Variants in ARSG observed in about 807,000 individuals in gnomAD.
ARSG encodes the protein arylsulfatase G, also known as ASG.
A neutral mutation model predicts 50.5 loss-of-function variants in ARSG; 37 were observed. The observed-to-expected ratio is 0.73, with a 90% CI of 0.56 to 0.96. ARSG has a LOEUF of 0.96. ARSG is among the 50% of genes least tolerant of loss of function. The pLI is 0.00. For synonymous variants in ARSG, 225 were observed against 254.6 expected (o/e 0.88, Z 1.11); for missense variants, 629 against 675.3 (o/e 0.93, Z 0.76).
chr17:68,432,217 G>A, the ARSG span, among the ~76,000 whole-genome samples: 1 of 152,146 alleles, frequency 6.6e-6, no homozygotes, highest in Non-Finnish European at 1.5e-5. Flanking sequence ...CACTGGGGGT[G>A]GGGGGAGACA....
chr17:68,428,908 C>A, the ARSG span: 1 of 1,614,098 alleles, frequency 6.2e-7, no homozygotes, highest in Non-Finnish European at 8.5e-7. Context: ...CTGGATGACG[C>A]AACTAGCAGC....
At chr17:68,300,248 G>T (rs1394704848) in intron 1 of ARSG, among the ~76,000 whole-genome samples, 15 of 152,088 alleles carry the variant, frequency 9.9e-5, no homozygotes, top group Non-Finnish European at 1.5e-5. Context: ...GCCTGGCCTG[G>T]GGCTTATTTC....
intron 5 of ARSG, among the ~76,000 whole-genome samples, chr17:68,353,023 G>A (rs1045725283): frequency 3.3e-5 from 5 of 151,976 alleles, no homozygotes; most frequent in Admixed American, 2.0e-4. Flanking sequence ...GTCTCAGCTC[G>A]TCTATCTATA....
intron 2 of ARSG, among the ~76,000 whole-genome samples, chr17:68,312,235 A>G (rs964630132): frequency 5.3e-5 from 8 of 152,308 alleles, no homozygotes; most frequent in African/African-American, 1.2e-4. Context: ...TATTCCTAGC[A>G]TGTAACACAG....
rs1467957839 is a variant in ARSG at position 68,401,413 on chromosome 17, TG to T, written c.1267del (p.Val423SerfsTer32). On this transcript the variant is annotated frameshift_variant, in exon 11 of 12. Transcript: ENST00000621439. LOFTEE classifies it low-confidence loss of function (END_TRUNC). ...CTGGAGAGTTTGGAGCCCTGCAGAC[TG>T]TCCGCCTGGAGCGTTACAAGGCCTT... ...AAGEFGALQT[V>X]RLERYKAFYI... is the part of the protein sequence containing the mutation. 2.5e-6 allele frequency: 4 copies of T among 1,614,094 alleles called. No homozygotes were observed. Among genetic ancestry groups the T allele is most frequent in the Non-Finnish European group, 3.4e-6 (4 of 1,179,928 alleles).
At chr17:68,427,097 G>T, downstream of ARSG, 1 of 1,546,066 alleles carries the variant, frequency 6.5e-7, no homozygotes, top group Non-Finnish European at 8.9e-7. Context: ...GGAGGTCACT[G>T]TTGGAGATGC....
In ARSG at chr17:68,378,183, G is replaced by C. The variant is rs2080245647; in HGVS notation, c.983-6881G>C. 6.6e-6 allele frequency among the ~76,000 whole-genome samples: 1 copy of C among 152,194 alleles called. No homozygotes were observed. The highest frequency in any genetic ancestry group is 1.5e-5 in the Non-Finnish European group (1 of 68,040). The stretch of plus-strand genomic sequence containing the variant: ...CTCCTCTTCACCCAGTTCCCCATCA[G>C]TGGGACATCTGCACGGCTCACTGTA... On this transcript the variant is annotated intron_variant, in intron 8 of 11. Coordinates refer to ENST00000621439, the MANE Select transcript of ARSG (RefSeq NM_001267727.2). The surrounding 1 kb of genome is among the most constrained non-coding windows in gnomAD (Gnocchi z 4.4).
At chr17:68,277,756 AG>A (rs1568411584) in intron 1 of ARSG, among the ~76,000 whole-genome samples, 2 of 152,168 alleles carry the variant, frequency 1.3e-5, no homozygotes, top group African/African-American at 2.4e-5. Flanking sequence ...CTTCTTAGAC[AG>A]TGACTATATC....
At chr17:68,407,840 C>T (rs190453030) in intron 11 of ARSG, among the ~76,000 whole-genome samples, 4 of 151,902 alleles carry the variant, frequency 2.6e-5, no homozygotes, top group Non-Finnish European at 4.4e-5. Flanking sequence ...ATTTGAATGC[C>T]CTTTTACTGA....
the ARSG span, among the ~76,000 whole-genome samples, chr17:68,449,854 C>A: frequency 6.6e-6 from 1 of 151,920 alleles, no homozygotes; most frequent in Non-Finnish European, 1.5e-5. Context: ...TAAAAAAATA[C>A]AGAAAAATTA....
At chr17:68,422,043 C>CTG (rs987547802), downstream of ARSG, 45 of 584,802 alleles carry the variant, frequency 7.7e-5, no homozygotes, top group African/African-American at 4.1e-4. Context: ...AAAAATGTCT[C>CTG]TGTGTGTGTG....
intron 1 of ARSG, among the ~76,000 whole-genome samples, chr17:68,273,354 C>T (rs1363026441): frequency 1.3e-5 from 2 of 152,010 alleles, no homozygotes; most frequent in African/African-American, 4.8e-5. Context: ...ATGGTTACAG[C>T]TGGGACCACA....
intron 11 of ARSG, among the ~76,000 whole-genome samples, chr17:68,411,650 C>T (rs1052476006): frequency 2.0e-5 from 3 of 147,696 alleles, no homozygotes; most frequent in African/African-American, 7.8e-5. Context: ...CCGCTTGGTG[C>T]AGAGCTGAGT....
chr17:68,401,418 G>A lies in ARSG; in HGVS notation c.1271G>A (p.Arg424His), dbSNP rs1282361502. The change falls in exon 11 of 12, where the codon CGC becomes CAC. Residue 424 changes from arginine (R) to histidine (H), a missense_variant. Physicochemically the swap from Arg to His is conservative, Grantham distance 29 (BLOSUM62 0). Coordinates refer to ENST00000621439, the MANE Select transcript of ARSG (RefSeq NM_001267727.2). ...AGEFGALQTV[R>H]LERYKAFYIT... The stretch of plus-strand genomic sequence containing the variant: ...GAGTTTGGAGCCCTGCAGACTGTCC[G>A]CCTGGAGCGTTACAAGGCCTTCTAC... The A allele has an allele frequency of 3.1e-6, 5 of 1,614,062 alleles. No individual in the cohort carries two copies. The highest frequency in any genetic ancestry group is 1.7e-5 in the Admixed American group (1 of 60,020).
At chr17:68,329,933 G>T (rs1374520333) in intron 2 of ARSG, among the ~76,000 whole-genome samples, 1 of 152,198 alleles carries the variant, frequency 6.6e-6, no homozygotes, top group African/African-American at 2.4e-5. Context: ...AAAGACGCTG[G>T]GTGTGGTGGC....
intron 1 of ARSG, chr17:68,272,912 G>T: frequency 1.1e-6 from 1 of 944,874 alleles, no homozygotes; most frequent in African/African-American, 1.7e-5. Flanking sequence ...CAAAGGTGAT[G>T]TTGCAAAGAA....
rs1568579775 is a variant in ARSG at position 68,401,364 on chromosome 17, T to C, written c.1217T>C (p.Leu406Pro). Reference sequence around the variant, plus strand: ...AGCTCTGCCACCCTTTCTCAGGTGCTGTTCCACCCCAACAGCGGGGCAGCT... The same window carrying C: ...AGCTCTGCCACCCTTTCTCAGGTGCCGTTCCACCCCAACAGCGGGGCAGCT... ...FGRSQPGHRV[L>P]FHPNSGAAGE... Residue 406 changes from leucine (L) to proline (P), a missense_variant, in exon 11 of 12, where the codon CTG becomes CCG. Coordinates refer to ENST00000621439, the MANE Select transcript of ARSG (RefSeq NM_001267727.2). 2 of 1,613,874 alleles carry C rather than the reference T, an allele frequency of 1.2e-6. No homozygotes were observed. The highest frequency in any genetic ancestry group is 1.7e-6 in the Non-Finnish European group (2 of 1,179,876).
At chr17:68,313,149 T>C (rs2076931920) in intron 2 of ARSG, among the ~76,000 whole-genome samples, 1 of 151,896 alleles carries the variant, frequency 6.6e-6, no homozygotes. Flanking sequence ...TAGTCCCAGC[T>C]ACTCAGGAGG....
At chr17:68,306,542 G>A (rs978136456) in intron 1 of ARSG, among the ~76,000 whole-genome samples, 7 of 152,204 alleles carry the variant, frequency 4.6e-5, no homozygotes, top group African/African-American at 1.4e-4. Flanking sequence ...TTTTTTAAAT[G>A]TAGAAACATT....
Sources: allele counts gnomAD v4.1 joint callset (sites outside exome capture counted in the v4.1 genomes callset), GRCh38; gene constraint gnomAD v4.1.1; non-coding constraint Gnocchi (gnomAD v3.1); transcripts MANE v1.5; gene names NCBI Gene and HGNC (gene_info 2026-07-23, HGNC 2026-07-21).